SLC6A11: variants seen among roughly 807,000 people sequenced by gnomAD.
SLC6A11 encodes solute carrier family 6 member 11, also known as sodium- and chloride-dependent GABA transporter 3.
Under a neutral mutation model 74.8 loss-of-function variants are expected in SLC6A11, and 25 were observed. That is an observed-to-expected ratio of 0.33 (90% confidence interval 0.24 to 0.47). The LOEUF (loss-of-function observed/expected upper bound fraction) is 0.47, where lower values mean the gene tolerates loss of function less well. SLC6A11 is among the 20% of genes least tolerant of loss of function. SLC6A11 has a pLI of 1.00. For missense variants in SLC6A11, 574 were observed against 837.0 expected, an observed-to-expected ratio of 0.69 and a Z score of 3.88; for synonymous variants, 330 against 330.2, an observed-to-expected ratio of 1.00 and a Z score of 0.01.
intron 5 of SLC6A11, among the ~76,000 whole-genome samples, chr3:10,848,819 C>T (rs1288764838): frequency 6.6e-6 from 1 of 152,140 alleles, no homozygotes; most frequent in Non-Finnish European, 1.5e-5. Flanking sequence ...TAGAATGTAG[C>T]CTGTCAGAGT....
At chr3:10,883,959 A>G (rs1457038104) in intron 6 of SLC6A11, among the ~76,000 whole-genome samples, 1 of 152,144 alleles carries the variant, frequency 6.6e-6, no homozygotes, top group Non-Finnish European at 1.5e-5. Flanking sequence ...TGGAATGTAA[A>G]ATCAGATCAT....
chr3:10,889,799 G>A (rs1575690841), intron 6 of SLC6A11, among the ~76,000 whole-genome samples: 1 of 152,296 alleles, frequency 6.6e-6, no homozygotes, highest in East Asian at 1.9e-4. Context: ...GTGAGGGCTT[G>A]TGGTCAGAGG....
intron 6 of SLC6A11, among the ~76,000 whole-genome samples, chr3:10,881,825 T>C (rs1694985233): frequency 6.6e-6 from 1 of 152,172 alleles, no homozygotes; most frequent in Non-Finnish European, 1.5e-5. Context: ...CTGTGGCCCG[T>C]CCATGATCCA....
At chr3:10,933,989 ACTCCTAGCCATTC>A in intron 11 of SLC6A11, 64 bp from the exon 12 acceptor site, 1 of 924,458 alleles carries the variant, frequency 1.1e-6, no homozygotes, top group South Asian at 1.5e-5. Context: ...GAAAGCAAAC[ACTCCTAGCCATTC>A]CTCTGACTCA....
chr3:10,824,206 C>G (rs1019663838), intron 4 of SLC6A11: 2 of 152,174 alleles, frequency 1.3e-5, no homozygotes, highest in African/African-American at 4.8e-5. Context: ...CACAGTGGCC[C>G]TGACTTGCAA....
At chr3:10,901,206 C>T (rs1432133771) in intron 6 of SLC6A11, among the ~76,000 whole-genome samples, 4 of 152,190 alleles carry the variant, frequency 2.6e-5, no homozygotes, top group Non-Finnish European at 5.9e-5. Flanking sequence ...CTCTGAGCCT[C>T]CCGTATTTAG....
rs1451200366 is a variant in SLC6A11, at chr3:10,818,559, C to A, written c.257-906C>A. On this transcript the variant is annotated intron_variant, in intron 1 of 13. Coordinates refer to ENST00000254488, the MANE Select transcript of SLC6A11 (RefSeq NM_014229.3). ...ACCCTGATAGATATGATCCTGCTATCAGGATTCATCAAAATTGTTGCTATT... is the reference window on the plus strand; with the variant it reads ...ACCCTGATAGATATGATCCTGCTATAAGGATTCATCAAAATTGTTGCTATT... Among the ~76,000 whole-genome samples, 20 of 152,204 alleles carry A rather than the reference C, an allele frequency of 1.3e-4. 1 individual carries two copies. Among genetic ancestry groups the A allele is most frequent in the Admixed American group, 1.3e-3 (20 of 15,280 alleles).
chr3:10,925,297 A>G (rs1349016652), intron 8 of SLC6A11, among the ~76,000 whole-genome samples: 1 of 152,230 alleles, frequency 6.6e-6, no homozygotes, highest in Non-Finnish European at 1.5e-5. Flanking sequence ...ATCTCACTGA[A>G]TTCTCAAAAC....
chr3:10,910,800 C>T (rs1013379207), intron 6 of SLC6A11, among the ~76,000 whole-genome samples: 1 of 151,044 alleles, frequency 6.6e-6, no homozygotes, highest in African/African-American at 2.4e-5. Flanking sequence ...ATAGCACCTA[C>T]CACATAGGGT....
intron 5 of SLC6A11, among the ~76,000 whole-genome samples, chr3:10,870,002 G>A (rs963369295): frequency 1.3e-5 from 2 of 152,134 alleles, no homozygotes; most frequent in Non-Finnish European, 2.9e-5. Flanking sequence ...GGAGGTTCCT[G>A]AATATATGAG....
chr3:10,823,646 A>G (rs974980108), intron 4 of SLC6A11: 3 of 437,558 alleles, frequency 6.9e-6, no homozygotes, highest in African/African-American at 3.9e-5. Flanking sequence ...TAGGGCAGGA[A>G]GTACTTGGTG....
intron 5 of SLC6A11, among the ~76,000 whole-genome samples, chr3:10,864,923 C>T (rs2106597072): frequency 6.6e-6 from 1 of 152,342 alleles, no homozygotes; most frequent in South Asian, 2.1e-4. Context: ...TAACACCAGC[C>T]TTCCACTGCT....
chr3:10,912,039 CA>C (rs1695394544), intron 6 of SLC6A11, 50 bp from the exon 7 acceptor site: 1 of 1,228,254 alleles, frequency 8.1e-7, no homozygotes, highest in Admixed American at 1.7e-5. Context: ...GCTACCCTCT[CA>C]CCACACATCT....
At chr3:10,852,518 A>G (rs1412075375) in intron 5 of SLC6A11, among the ~76,000 whole-genome samples, 1 of 152,236 alleles carries the variant, frequency 6.6e-6, no homozygotes, top group Non-Finnish European at 1.5e-5. Context: ...TACCGTCTTT[A>G]TTAAAGCACA....
In SLC6A11 at chr3:10,915,727, G is replaced by A. The variant is rs779911478; in HGVS notation, c.996-2602G>A. ...ACTGGTCATGCATGGGGCTGGAAGG[G>A]ACCTCAGGTCCCTAAAGAGCTTCTC... On this transcript the variant is annotated intron_variant, in intron 7 of 13. Coordinates refer to ENST00000254488, the MANE Select transcript of SLC6A11 (RefSeq NM_014229.3). The surrounding 1 kb of genome is among the most constrained non-coding windows in gnomAD (Gnocchi z 4.3). Among the ~76,000 whole-genome samples the A allele has an allele frequency of 6.6e-6, 1 of 152,114 alleles. No homozygotes were observed. The highest frequency in any genetic ancestry group is 1.5e-5 in the Non-Finnish European group (1 of 68,032).
chr3:10,933,626 C>T (rs571130676), intron 11 of SLC6A11, among the ~76,000 whole-genome samples: 2 of 152,204 alleles, frequency 1.3e-5, no homozygotes, highest in Non-Finnish European at 2.9e-5. Context: ...CTCCTGCTCC[C>T]CAAGCCCAAC....
At chr3:10,835,184 C>G (rs1171127527) in intron 4 of SLC6A11, among the ~76,000 whole-genome samples, 1 of 152,204 alleles carries the variant, frequency 6.6e-6, no homozygotes, top group African/African-American at 2.4e-5. Context: ...TCGGCTGCTC[C>G]TTGATGCAGA....
intron 6 of SLC6A11, among the ~76,000 whole-genome samples, chr3:10,909,095 C>T (rs1201723984): frequency 7.7e-6 from 1 of 129,632 alleles, no homozygotes; most frequent in Non-Finnish European, 1.6e-5. Flanking sequence ...CAGTTACAAG[C>T]TTAACATCCC....
intron 5 of SLC6A11, among the ~76,000 whole-genome samples, chr3:10,869,762 A>G (rs1329427824): frequency 6.6e-6 from 1 of 152,240 alleles, no homozygotes; most frequent in Non-Finnish European, 1.5e-5. Flanking sequence ...GGAACAGGGA[A>G]GAGACATGCA....
Sources: gnomAD v4.1 joint callset for allele counts (sites outside exome capture counted in the v4.1 genomes callset) on GRCh38, gnomAD v4.1.1 for gene constraint, Gnocchi (gnomAD v3.1) non-coding constraint, MANE v1.5 for transcripts, NCBI Gene and HGNC (gene_info 2026-07-23, HGNC 2026-07-21) for gene names.